The following CALN1 variants were observed in gnomAD, a reference collection of about 807,000 sequenced individuals.
The protein encoded by CALN1 is calneuron 1, also known as calcium-binding protein 8.
Under a neutral mutation model 30.6 loss-of-function variants are expected in CALN1, and 17 were observed. The observed-to-expected ratio is 0.56, with a 90% CI of 0.38 to 0.83. The LOEUF (loss-of-function observed/expected upper bound fraction) is 0.83, where lower values mean the gene tolerates loss of function less well. Ranked by LOEUF, CALN1 falls within the 40% of genes least tolerant of loss-of-function variation. The pLI is 0.00. For missense variants in CALN1, 291 were observed against 354.9 expected (o/e 0.82, Z 1.45); for synonymous variants, 156 against 131.4 (o/e 1.19, Z -1.28).
intron 6 of CALN1, among the ~76,000 whole-genome samples, chr7:71,794,739 C>G (rs35781644): frequency 0.16 from 24,482 of 152,190 alleles, 2,585 homozygotes; most frequent in East Asian, 0.44. Context: ...GCCTACAGCA[C>G]GAGGCTGAGA....
chr7:72,246,771 T>TTTTTTTTTTA (rs1795194829), intron 3 of CALN1, among the ~76,000 whole-genome samples: 1 of 149,968 alleles, frequency 6.7e-6, no homozygotes, highest in Non-Finnish European at 1.5e-5. Flanking sequence ...TTTTTTTTTT[T>TTTTTTTTTTA]GAGATGGAGT....
At chr7:72,110,931 C>G (rs1807526864) in intron 3 of CALN1, among the ~76,000 whole-genome samples, 1 of 152,084 alleles carries the variant, frequency 6.6e-6, no homozygotes, top group African/African-American at 2.4e-5. Context: ...GAGGACGGCT[C>G]CCAGCATTGA....
intron 2 of CALN1, among the ~76,000 whole-genome samples, chr7:72,367,605 G>A (rs1171172257): frequency 6.7e-6 from 1 of 148,216 alleles, no homozygotes; most frequent in Non-Finnish European, 1.5e-5. Context: ...AGCCTGGATG[G>A]CAGAGCAAGA....
chr7:72,182,094 T>C (rs190654742), intron 3 of CALN1, among the ~76,000 whole-genome samples: 1 of 152,278 alleles, frequency 6.6e-6, no homozygotes, highest in African/African-American at 2.4e-5. Context: ...TAATTGCAAA[T>C]GACAGGCTTC....
At chr7:72,471,175 A>AT in the CALN1 span, among the ~76,000 whole-genome samples, 1 of 152,182 alleles carries the variant, frequency 6.6e-6, no homozygotes, top group Non-Finnish European at 1.5e-5. Flanking sequence ...GCTGGTCTCA[A>AT]TATAATCAAT....
At chr7:71,827,043 G>A (rs1281255155) in intron 5 of CALN1, among the ~76,000 whole-genome samples, 1 of 152,208 alleles carries the variant, frequency 6.6e-6, no homozygotes, top group Non-Finnish European at 1.5e-5. Flanking sequence ...TAGGGATAGG[G>A]TGCAGCCGGA....
At chr7:72,085,002 G>C (rs1805388268) in intron 4 of CALN1, among the ~76,000 whole-genome samples, 1 of 152,100 alleles carries the variant, frequency 6.6e-6, no homozygotes, top group Non-Finnish European at 1.5e-5. Flanking sequence ...TATACTACCT[G>C]CCCGTTAGTC....
At chr7:72,023,192 G>C (rs953252054) in intron 5 of CALN1, among the ~76,000 whole-genome samples, 1 of 152,118 alleles carries the variant, frequency 6.6e-6, no homozygotes, top group African/African-American at 2.4e-5. Flanking sequence ...GATTTTACAA[G>C]ATAGAAACAG....
chr7:72,239,416 A>C (rs1794694448), intron 3 of CALN1, among the ~76,000 whole-genome samples: 1 of 152,058 alleles, frequency 6.6e-6, no homozygotes, highest in African/African-American at 2.4e-5. Context: ...TAAATAAATA[A>C]ATAAATAAAC....
At chr7:72,423,973 GGGA>G in intron 1 of CALN1, among the ~76,000 whole-genome samples, 1 of 140,798 alleles carries the variant, frequency 7.1e-6, no homozygotes, top group African/African-American at 2.6e-5. Context: ...GAGGGAGGGA[GGGA>G]GGGAGGAAGG....
chr7:72,414,662 C>T (rs1585703442), upstream of CALN1, among the ~76,000 whole-genome samples: 7 of 152,318 alleles, frequency 4.6e-5, 2 homozygotes, highest in Admixed American at 3.3e-4. Flanking sequence ...TCTCCCAGGA[C>T]GACTGAGAAG....
chr7:71,924,669 T>C (rs1271304292), intron 5 of CALN1, among the ~76,000 whole-genome samples: 1 of 152,170 alleles, frequency 6.6e-6, no homozygotes, highest in Non-Finnish European at 1.5e-5. Context: ...CTTCATGATA[T>C]CTGTTTACCT....
intron 3 of CALN1, among the ~76,000 whole-genome samples, chr7:72,163,137 T>A (rs1431897871): frequency 2.0e-5 from 3 of 152,140 alleles, no homozygotes; most frequent in African/African-American, 4.8e-5. Context: ...CGTTTGGAAT[T>A]TCAATTGAAA....
chr7:71,964,922 G>A (rs1797456689), intron 5 of CALN1, among the ~76,000 whole-genome samples: 1 of 152,162 alleles, frequency 6.6e-6, no homozygotes, highest in Non-Finnish European at 1.5e-5. Context: ...GACTTGGGCT[G>A]AGCTCACAAT....
chr7:72,274,047 A>T (rs1797181197), intron 3 of CALN1, among the ~76,000 whole-genome samples: 2 of 152,188 alleles, frequency 1.3e-5, no homozygotes, highest in South Asian at 4.1e-4. Flanking sequence ...ACAAACTGGA[A>T]AATAGCTAAT....
chr7:72,219,998 T>C (rs1484429370), intron 3 of CALN1, among the ~76,000 whole-genome samples: 1 of 148,842 alleles, frequency 6.7e-6, no homozygotes. Context: ...CAGTCTTATT[T>C]GAAGCAACCA....
chr7:72,239,536 T>C (rs1324632557), intron 3 of CALN1, among the ~76,000 whole-genome samples: 1 of 152,194 alleles, frequency 6.6e-6, no homozygotes, highest in East Asian at 1.9e-4. Flanking sequence ...TATCAACATA[T>C]AATAAAAGTT....
At chr7:71,995,770 AAAAC>A (rs375635775) in intron 5 of CALN1, among the ~76,000 whole-genome samples, 48 of 152,124 alleles carry the variant, frequency 3.2e-4, no homozygotes, top group African/African-American at 1.1e-3. Context: ...GATCTCCACC[AAAAC>A]AAACAGCCTG....
At chr7:71,817,371 C>T (rs1388115423) in intron 5 of CALN1, among the ~76,000 whole-genome samples, 3 of 152,112 alleles carry the variant, frequency 2.0e-5, no homozygotes, top group African/African-American at 7.2e-5. Context: ...AGTTGATTTT[C>T]GTCACCTTTT....
Sources: gnomAD v4.1 joint callset for allele counts (sites outside exome capture counted in the v4.1 genomes callset) on GRCh38, gnomAD v4.1.1 for gene constraint, MANE v1.5 for transcripts, NCBI Gene and HGNC (gene_info 2026-07-23, HGNC 2026-07-21) for gene names.